Variants in FMN1 observed in about 807,000 individuals in gnomAD.
The protein encoded by FMN1 is formin-1.
FMN1 carries 110 observed loss-of-function variants against 132.4 expected under a neutral mutation model. That is an observed-to-expected ratio of 0.83 (90% confidence interval 0.71 to 0.97). The LOEUF (loss-of-function observed/expected upper bound fraction) is 0.97, where lower values mean the gene tolerates loss of function less well. Ranked by LOEUF, FMN1 falls within the 50% of genes least tolerant of loss-of-function variation. FMN1 has a pLI of 0.00. For missense variants in FMN1, 1,792 were observed against 1,705.3 expected, an observed-to-expected ratio of 1.05 and a Z score of -0.90; for synonymous variants, 722 against 651.7, an observed-to-expected ratio of 1.11 and a Z score of -1.64.
intron 6 of FMN1, among the ~76,000 whole-genome samples, chr15:33,024,403 C>T (rs1333845690): frequency 2.0e-5 from 3 of 151,982 alleles, no homozygotes; most frequent in Middle Eastern, 3.2e-3. Context: ...TCCGCCACCA[C>T]GCCTGGCTAA....
At chr15:32,939,476 A>G (rs748106815) in intron 9 of FMN1, among the ~76,000 whole-genome samples, 3 of 152,188 alleles carry the variant, frequency 2.0e-5, no homozygotes, top group Non-Finnish European at 2.9e-5. Context: ...TTATCAACCA[A>G]TATTACTACT....
At chr15:33,053,900 C>T (rs773586507) in intron 6 of FMN1, among the ~76,000 whole-genome samples, 3 of 151,980 alleles carry the variant, frequency 2.0e-5, no homozygotes, top group Non-Finnish European at 4.4e-5. Flanking sequence ...TTTCTTTTTT[C>T]CTTTTCTTTT....
chr15:33,093,329 C>T (rs978297551), intron 4 of FMN1, among the ~76,000 whole-genome samples: 1 of 152,166 alleles, frequency 6.6e-6, no homozygotes, highest in African/African-American at 2.4e-5. Flanking sequence ...CTGATATGTA[C>T]AGGTAGACAT....
intron 7 of FMN1, among the ~76,000 whole-genome samples, chr15:33,001,334 T>A (rs2034093956): frequency 6.6e-6 from 1 of 152,130 alleles, no homozygotes; most frequent in South Asian, 2.1e-4. Context: ...CCCTTATAGT[T>A]CAAAAGCAAA....
chr15:33,025,819 TAGA>T (rs1325715435), intron 6 of FMN1, among the ~76,000 whole-genome samples: 1 of 152,052 alleles, frequency 6.6e-6, no homozygotes, highest in Non-Finnish European at 1.5e-5. Flanking sequence ...TAAGTTAGAA[TAGA>T]AGAGAATCAG....
chr15:32,777,525 CGT>C (rs1456916732), intron 19 of FMN1, among the ~76,000 whole-genome samples: 1 of 79,592 alleles, frequency 1.3e-5, no homozygotes, highest in Non-Finnish European at 2.9e-5. Flanking sequence ...TTATATATTA[CGT>C]ATAACATAAC....
intron 8 of FMN1, among the ~76,000 whole-genome samples, chr15:32,966,186 C>T (rs1483697409): frequency 6.6e-6 from 1 of 152,126 alleles, no homozygotes; most frequent in Non-Finnish European, 1.5e-5. Flanking sequence ...TCTAGCCCCA[C>T]GGACTCTGAG....
intron 4 of FMN1, among the ~76,000 whole-genome samples, chr15:33,117,950 C>G: frequency 6.6e-6 from 1 of 152,174 alleles, no homozygotes; most frequent in East Asian, 1.9e-4. Context: ...AGAAATAATA[C>G]TGTTTTTCGT....
chr15:32,860,082 A>AAAGGCAAGGCAAGGC (rs143955492), intron 16 of FMN1, among the ~76,000 whole-genome samples: 1 of 150,816 alleles, frequency 6.6e-6, no homozygotes, highest in Admixed American at 6.6e-5. Flanking sequence ...AGGCAAAGGC[A>AAAGGCAAGGCAAGGC]AAGGCAAGGC....
At chr15:32,876,647 T>A (rs8031846) in intron 16 of FMN1, among the ~76,000 whole-genome samples, 3,985 of 152,292 alleles carry the variant, frequency 0.026, 183 homozygotes, top group African/African-American at 0.091. Flanking sequence ...GTTTAAAAAG[T>A]GTGGGAAACA....
At chr15:32,913,912 A>G (rs909011498) in intron 10 of FMN1, among the ~76,000 whole-genome samples, 3 of 152,182 alleles carry the variant, frequency 2.0e-5, no homozygotes, top group African/African-American at 7.2e-5. Flanking sequence ...CAAAGAGAAC[A>G]TAGGGTCTTA....
At chr15:33,045,872 A>T (rs1231355748) in intron 6 of FMN1, among the ~76,000 whole-genome samples, 1 of 152,212 alleles carries the variant, frequency 6.6e-6, no homozygotes, top group Non-Finnish European at 1.5e-5. Flanking sequence ...AAACAAAGCC[A>T]ATATTTCAAA....
In FMN1 at chr15:32,771,944, T is replaced by C. The variant is rs114305949; in HGVS notation, c.*2366A>G. On this transcript the variant is annotated 3_prime_UTR_variant, in exon 21 of 21. Coordinates refer to ENST00000616417, the MANE Select transcript of FMN1 (RefSeq NM_001277313.2). ...CTTGGGAGGGGGCATCCCAGATACATGATGCAGGGTTCAGAATAGGTGAGA... is the reference window on the plus strand; with the variant it reads ...CTTGGGAGGGGGCATCCCAGATACACGATGCAGGGTTCAGAATAGGTGAGA... 43 of 152,300 alleles carry C rather than the reference T, an allele frequency of 2.8e-4. No homozygotes were observed. Among genetic ancestry groups the C allele is most frequent in the African/African-American group, 9.9e-4 (41 of 41,546 alleles). The allele number at this position is 152,300 out of a possible 1,614,324, so 9.4% of individuals were successfully genotyped here. A position where few individuals can be genotyped will look rare whatever the true frequency, so the allele number is the denominator to read the frequency against.
intron 9 of FMN1, among the ~76,000 whole-genome samples, chr15:32,958,442 T>TA (rs2030085513): frequency 2.0e-5 from 3 of 152,192 alleles, no homozygotes; most frequent in African/African-American, 7.2e-5. Context: ...TTCTCGGTCT[T>TA]AGTTTCTTAT....
intron 10 of FMN1, among the ~76,000 whole-genome samples, chr15:32,916,900 G>GA (rs2060697952): frequency 6.6e-6 from 1 of 152,120 alleles, no homozygotes; most frequent in African/African-American, 2.4e-5. Flanking sequence ...AGCAGGGAAA[G>GA]AAATATAGAA....
At chr15:32,867,296 G>C (rs1346173288) in intron 16 of FMN1, among the ~76,000 whole-genome samples, 1 of 152,112 alleles carries the variant, frequency 6.6e-6, no homozygotes, top group Non-Finnish European at 1.5e-5. Context: ...CCTCAAGCTG[G>C]CCTGCAAGGC....
intron 19 of FMN1, among the ~76,000 whole-genome samples, chr15:32,791,277 A>G (rs942260546): frequency 2.0e-5 from 3 of 150,254 alleles, no homozygotes; most frequent in African/African-American, 7.3e-5. Context: ...AAAAAGACCT[A>G]GGTTCTTATC....
intron 10 of FMN1, among the ~76,000 whole-genome samples, chr15:32,918,320 AAG>A (rs1330466743): frequency 6.6e-6 from 1 of 152,172 alleles, no homozygotes; most frequent in Non-Finnish European, 1.5e-5. Context: ...AAAAAAAATC[AAG>A]AGACTATAGT....
chr15:32,853,644 C>G (rs938372262), intron 17 of FMN1, among the ~76,000 whole-genome samples: 2 of 152,194 alleles, frequency 1.3e-5, no homozygotes, highest in African/African-American at 4.8e-5. Context: ...TTTGTATATA[C>G]TGCAATTTGG....
Sources: gnomAD v4.1 joint callset for allele counts (sites outside exome capture counted in the v4.1 genomes callset) on GRCh38, gnomAD v4.1.1 for gene constraint, MANE v1.5 for transcripts, NCBI Gene and HGNC (gene_info 2026-07-23, HGNC 2026-07-21) for gene names.